Variants in RNF152 observed in about 807,000 individuals in gnomAD.
RNF152 encodes E3 ubiquitin-protein ligase RNF152.
Under a neutral mutation model 12.7 loss-of-function variants are expected in RNF152, and 11 were observed. The observed-to-expected ratio is 0.86, with a 90% CI of 0.54 to 1.43. The LOEUF (loss-of-function observed/expected upper bound fraction) is 1.43, where lower values mean the gene tolerates loss of function less well. Ranked by LOEUF, RNF152 falls within the 40% of genes most tolerant of loss-of-function variation. The probability of loss-of-function intolerance (pLI) is 0.00; values close to 1 mark genes in which losing one functional copy is unlikely to be tolerated. For missense variants in RNF152, 255 were observed against 274.8 expected (o/e 0.93, Z 0.51); for synonymous variants, 113 against 120.3 (o/e 0.94, Z 0.40).
intron 1 of RNF152, among the ~76,000 whole-genome samples, chr18:61,887,118 C>T (rs1424898324): frequency 6.6e-6 from 1 of 152,058 alleles, no homozygotes; most frequent in African/African-American, 2.4e-5. Flanking sequence ...TAAAGTCAGG[C>T]GGAGCAAAAG....
chr18:61,875,442 A>G (rs1242333734), intron 1 of RNF152, among the ~76,000 whole-genome samples: 1 of 152,008 alleles, frequency 6.6e-6, no homozygotes, highest in Non-Finnish European at 1.5e-5. Flanking sequence ...CAGAAAACAA[A>G]TTTTTTTTCT....
In RNF152 at chr18:61,813,552, T is replaced by A. The variant is rs990547615; in HGVS notation, c.*2300A>T. 2.0e-5 allele frequency: 3 copies of A among 152,220 alleles called. No homozygotes were observed. Among genetic ancestry groups the A allele is most frequent in the African/African-American group, 7.2e-5 (3 of 41,450 alleles). 9.4% of individuals were successfully genotyped at this position (152,220 alleles called of 1,614,324 possible). On this transcript the variant is annotated 3_prime_UTR_variant, in exon 2 of 2. Coordinates refer to ENST00000312828, the MANE Select transcript of RNF152 (RefSeq NM_173557.3). ...GTAAAAGTTCTATGGACATTTTTAC[T>A]CTACAGATTTGCACTAAGAAACACA...
chr18:61,877,191 T>C (rs924167820), intron 1 of RNF152, among the ~76,000 whole-genome samples: 1 of 152,154 alleles, frequency 6.6e-6, no homozygotes, highest in Non-Finnish European at 1.5e-5. Context: ...AATGAAACCA[T>C]TTGACTTACG....
chr18:61,889,177 G>A (rs1447097240), intron 1 of RNF152, among the ~76,000 whole-genome samples: 2 of 152,088 alleles, frequency 1.3e-5, no homozygotes, highest in East Asian at 1.9e-4. Context: ...GAATGAAGCC[G>A]GGTGGTCTCA....
intron 1 of RNF152, among the ~76,000 whole-genome samples, 195 bp downstream of exon 1, chr18:61,892,600 C>T (rs1179265026): frequency 1.3e-5 from 2 of 152,180 alleles, no homozygotes; most frequent in Admixed American, 6.5e-5. Context: ...CACCTACCTC[C>T]AATGGCTTCT....
rs1909062595 is a variant in RNF152 at position 61,816,034 on chromosome 18, C to G, written c.430G>C (p.Gly144Arg). 6.2e-7 allele frequency: 1 copy of G among 1,614,250 alleles called. No homozygotes were observed. The highest frequency in any genetic ancestry group is 1.1e-5 in the South Asian group (1 of 91,078). Residue 144 changes from glycine to arginine, a missense_variant, in exon 2 of 2, where the codon GGT becomes CGT. Coordinates refer to ENST00000312828, the MANE Select transcript of RNF152 (RefSeq NM_173557.3). ...TIPAEQQPLQGGAPQEAVEEE... is the reference protein window; with the variant it reads ...TIPAEQQPLQRGAPQEAVEEE... ...TCCACCGCCTCCTGGGGAGCCCCAC[C>G]TTGCAGAGGCTGCTGTTCAGCAGGG...
intron 1 of RNF152, among the ~76,000 whole-genome samples, chr18:61,836,700 T>C (rs149591721): frequency 8.2e-4 from 124 of 151,296 alleles, no homozygotes; most frequent in African/African-American, 2.8e-3. Context: ...CTAAGACAGA[T>C]GGTAATGTTT....
At chr18:61,851,180 C>T (rs1466230833) in intron 1 of RNF152, among the ~76,000 whole-genome samples, 3 of 151,872 alleles carry the variant, frequency 2.0e-5, no homozygotes, top group Non-Finnish European at 4.4e-5. Context: ...CAGAAACAGA[C>T]AGGCTGTACT....
chr18:61,827,545 C>G (rs1909725852), intron 1 of RNF152, among the ~76,000 whole-genome samples: 1 of 152,226 alleles, frequency 6.6e-6, no homozygotes, highest in East Asian at 1.9e-4. Flanking sequence ...AGAGAACATT[C>G]TATATTAACA....
rs1912783318 is a variant in RNF152 at position 61,808,244 on chromosome 18, G to C, written c.*7608C>G. 6.6e-6 allele frequency: 1 copy of C among 151,990 alleles called. No individual in the cohort carries two copies. The highest frequency in any genetic ancestry group is 1.5e-5 in the Non-Finnish European group (1 of 68,008). 9.4% of individuals were successfully genotyped at this position (151,990 alleles called of 1,614,324 possible). ...GCTAAGACACCATCTATAACAGAGA[G>C]AGCAAGCAAGAATGCTTTTAAGACA... On this transcript the variant is annotated 3_prime_UTR_variant, in exon 2 of 2. Coordinates refer to ENST00000312828, the MANE Select transcript of RNF152 (RefSeq NM_173557.3).
At chr18:61,888,785 G>A (rs755780594) in intron 1 of RNF152, 1 of 152,134 alleles carries the variant, frequency 6.6e-6, no homozygotes, top group East Asian at 1.9e-4. Flanking sequence ...TGTAACTCTC[G>A]AAGCCATGGG....
intron 1 of RNF152, among the ~76,000 whole-genome samples, chr18:61,825,881 A>G (rs990308521): frequency 3.2e-4 from 49 of 152,280 alleles, no homozygotes; most frequent in African/African-American, 1.2e-3. Context: ...TACTAACCAC[A>G]AATTCCAGAA....
At chr18:61,837,671 A>G (rs1910251222) in intron 1 of RNF152, among the ~76,000 whole-genome samples, 1 of 152,168 alleles carries the variant, frequency 6.6e-6, no homozygotes. Flanking sequence ...AAGATACTTG[A>G]TAGAAGAAAG....
chr18:61,847,231 CA>C (rs1192097238), intron 1 of RNF152, among the ~76,000 whole-genome samples: 1 of 152,028 alleles, frequency 6.6e-6, no homozygotes, highest in Non-Finnish European at 1.5e-5. Context: ...CATTTAAAAG[CA>C]AAAATACATC....
chr18:61,865,525 G>A lies in RNF152; in HGVS notation c.-136+27270C>T, dbSNP rs146764844. On this transcript the variant is annotated intron_variant, in intron 1 of 1. Transcript: ENST00000312828. Reference sequence around the variant, plus strand: ...AAACCTGGTTGGCAGCACAAAAAACGCAATACTATTTGTCCCCCATTGCCT... The same window carrying A: ...AAACCTGGTTGGCAGCACAAAAAACACAATACTATTTGTCCCCCATTGCCT... 1.4e-3 allele frequency among the ~76,000 whole-genome samples: 206 copies of A among 152,182 alleles called. 1 individual carries two copies. Among genetic ancestry groups the A allele is most frequent in the African/African-American group, 4.6e-3 (191 of 41,506 alleles).
chr18:61,871,300 G>C (rs895362609), intron 1 of RNF152, among the ~76,000 whole-genome samples: 2 of 151,204 alleles, frequency 1.3e-5, no homozygotes, highest in East Asian at 3.9e-4. Flanking sequence ...ATTCCTCTGG[G>C]CCTGCCTCTG....
intron 1 of RNF152, among the ~76,000 whole-genome samples, chr18:61,841,686 G>C (rs1910461709): frequency 6.6e-6 from 1 of 152,220 alleles, no homozygotes; most frequent in Admixed American, 6.5e-5. Flanking sequence ...AAACAGAATT[G>C]TGCGTATAAT....
chr18:61,860,151 G>A (rs1911401010), intron 1 of RNF152, among the ~76,000 whole-genome samples: 1 of 152,034 alleles, frequency 6.6e-6, no homozygotes, highest in Non-Finnish European at 1.5e-5. Context: ...AGGGAGGAAG[G>A]GTTCTCCCCA....
rs969473594 is a variant in RNF152 at position 61,815,580 on chromosome 18, T to C, written c.*272A>G. 71 of 411,966 alleles carry C rather than the reference T, an allele frequency of 1.7e-4. 1 individual carries two copies. The highest frequency in any genetic ancestry group is 2.3e-4 in the South Asian group (6 of 26,376). 25.5% of individuals were successfully genotyped at this position (411,966 alleles called of 1,614,324 possible). ...CTTGTAACATGATTTTGAAAAATCA[T>C]AAATTACAGTCCATTGAATACATGA... On this transcript the variant is annotated 3_prime_UTR_variant, in exon 2 of 2. Coordinates refer to ENST00000312828, the MANE Select transcript of RNF152 (RefSeq NM_173557.3).
Sources: gnomAD v4.1 joint callset for allele counts (sites outside exome capture counted in the v4.1 genomes callset) on GRCh38, gnomAD v4.1.1 for gene constraint, MANE v1.5 for transcripts, NCBI Gene and HGNC (gene_info 2026-07-23, HGNC 2026-07-21) for gene names.